NRXN1: variants seen among roughly 807,000 people sequenced by gnomAD.
NRXN1 encodes neurexin-1.
A neutral mutation model predicts 150.9 loss-of-function variants in NRXN1; 39 were observed. The ratio of observed to expected loss-of-function variants is 0.26; its 90% CI spans 0.20 to 0.34. The LOEUF is 0.34. Ranked by LOEUF, NRXN1 falls within the 10% of genes least tolerant of loss-of-function variation. The pLI is 1.00. For missense variants in NRXN1, 1,815 were observed against 1,949.9 expected, an observed-to-expected ratio of 0.93 and a Z score of 1.30; for synonymous variants, 924 against 757.0, an observed-to-expected ratio of 1.22 and a Z score of -3.62.
intron 21 of NRXN1, among the ~76,000 whole-genome samples, chr2:50,024,625 T>A (rs1386069886): frequency 3.9e-5 from 6 of 152,154 alleles, no homozygotes; most frequent in Non-Finnish European, 5.9e-5. Flanking sequence ...TAATTCTTTT[T>A]TTTTTTGGAG....
chr2:49,952,177 C>T (rs905398893), intron 21 of NRXN1, among the ~76,000 whole-genome samples: 2 of 152,008 alleles, frequency 1.3e-5, no homozygotes, highest in Admixed American at 1.3e-4. Context: ...TTCTACCTAT[C>T]CATTCATCTA....
chr2:51,026,636 T>C (rs1186555174), intron 2 of NRXN1, among the ~76,000 whole-genome samples: 1 of 152,206 alleles, frequency 6.6e-6, no homozygotes, highest in East Asian at 1.9e-4. Flanking sequence ...TGCATCCCTG[T>C]TTATTAGTCT....
intron 18 of NRXN1, among the ~76,000 whole-genome samples, chr2:50,234,945 T>C (rs2065279906): frequency 6.6e-6 from 1 of 151,928 alleles, no homozygotes; most frequent in African/African-American, 2.4e-5. Context: ...TAAGACCACA[T>C]TTGACCAGAA....
chr2:50,278,103 C>T (rs1474446370), intron 17 of NRXN1, among the ~76,000 whole-genome samples: 2 of 126,382 alleles, frequency 1.6e-5, no homozygotes, highest in African/African-American at 6.0e-5. Flanking sequence ...AAGTCTCACT[C>T]TGTTACCCAG....
chr2:50,124,901 G>C (rs1411263267), intron 18 of NRXN1, among the ~76,000 whole-genome samples: 1 of 151,854 alleles, frequency 6.6e-6, no homozygotes, highest in Non-Finnish European at 1.5e-5. Context: ...AAGTTCTTTA[G>C]CCCCTTTGAG....
chr2:50,988,848 G>A (rs915624350), intron 2 of NRXN1, among the ~76,000 whole-genome samples: 4 of 151,858 alleles, frequency 2.6e-5, no homozygotes, highest in Non-Finnish European at 5.9e-5. Flanking sequence ...TTTCCTTTAT[G>A]CAAAATAGGA....
intron 18 of NRXN1, among the ~76,000 whole-genome samples, chr2:50,136,048 T>C (rs1706354399): frequency 6.6e-6 from 1 of 152,194 alleles, no homozygotes; most frequent in East Asian, 1.9e-4. Context: ...ATACAATAGA[T>C]CTTTATTCTG....
At chr2:50,603,251 A>G (rs1676564514) in intron 8 of NRXN1, among the ~76,000 whole-genome samples, 3 of 152,212 alleles carry the variant, frequency 2.0e-5, no homozygotes, top group Admixed American at 2.0e-4. Flanking sequence ...GGACTATGGG[A>G]CCAGCTTCAG....
intron 21 of NRXN1, among the ~76,000 whole-genome samples, chr2:49,948,703 C>T (rs1277988769): frequency 6.6e-6 from 1 of 151,992 alleles, no homozygotes; most frequent in Non-Finnish European, 1.5e-5. Context: ...GTGTTTGGAG[C>T]TGCTGCTATG....
At chr2:50,732,344 A>G (rs1451295289) in intron 5 of NRXN1, among the ~76,000 whole-genome samples, 2 of 152,140 alleles carry the variant, frequency 1.3e-5, no homozygotes, top group East Asian at 3.9e-4. Context: ...CCAACAATTG[A>G]GAATCATAAT....
intron 5 of NRXN1, among the ~76,000 whole-genome samples, chr2:50,892,525 CAGACTT>C (rs1453332571): frequency 3.9e-5 from 6 of 152,092 alleles, no homozygotes; most frequent in South Asian, 2.1e-4. Flanking sequence ...CAGTAATACT[CAGACTT>C]AGAGAAAGAG....
intron 5 of NRXN1, among the ~76,000 whole-genome samples, chr2:50,820,124 G>C (rs576083013): frequency 6.6e-6 from 1 of 150,592 alleles, no homozygotes; most frequent in South Asian, 2.1e-4. Flanking sequence ...CCTGGGGATG[G>C]GGATATGAAA....
intron 8 of NRXN1, among the ~76,000 whole-genome samples, chr2:50,593,144 T>C (rs1021511718): frequency 2.6e-5 from 4 of 152,236 alleles, no homozygotes; most frequent in African/African-American, 9.6e-5. Flanking sequence ...TCTGATCGTG[T>C]GTTATTTTTT....
At chr2:50,598,322 T>C (rs1675581189) in intron 8 of NRXN1, among the ~76,000 whole-genome samples, 1 of 152,096 alleles carries the variant, frequency 6.6e-6, no homozygotes, top group Non-Finnish European at 1.5e-5. Context: ...TTGATTTAGT[T>C]TGCATCTTTG....
intron 12 of NRXN1, among the ~76,000 whole-genome samples, chr2:50,508,988 C>T (rs1231296761): frequency 6.6e-6 from 1 of 152,136 alleles, no homozygotes. Context: ...TCATGATTTC[C>T]TACTAAAAAA....
chr2:50,924,920 G>T (rs1324898638), intron 3 of NRXN1, among the ~76,000 whole-genome samples: 1 of 151,586 alleles, frequency 6.6e-6, no homozygotes, highest in Non-Finnish European at 1.5e-5. Flanking sequence ...TGTAACCTGG[G>T]ATAGGGAGTC....
chr2:50,607,710 A>T (rs1677360309), intron 8 of NRXN1, among the ~76,000 whole-genome samples: 1 of 151,766 alleles, frequency 6.6e-6, no homozygotes, highest in Non-Finnish European at 1.5e-5. Context: ...GCAAGTGAAA[A>T]ATTTTTGCTA....
chr2:50,568,748 A>G (rs1037296605), intron 8 of NRXN1, among the ~76,000 whole-genome samples: 3 of 152,126 alleles, frequency 2.0e-5, no homozygotes, highest in Non-Finnish European at 4.4e-5. Flanking sequence ...CCTCAAAAAA[A>G]CTAAAAATAG....
At chr2:50,903,444 C>G (rs1489397922) in intron 5 of NRXN1, among the ~76,000 whole-genome samples, 1 of 152,140 alleles carries the variant, frequency 6.6e-6, no homozygotes, top group African/African-American at 2.4e-5. Flanking sequence ...AGGTAACTAA[C>G]TGTTAATTCA....
Sources: allele counts gnomAD v4.1 joint callset (sites outside exome capture counted in the v4.1 genomes callset), GRCh38; gene constraint gnomAD v4.1.1; transcripts MANE v1.5; gene names NCBI Gene and HGNC (gene_info 2026-07-23, HGNC 2026-07-21).